Variants in MAGI2 observed in about 807,000 individuals in gnomAD.
The protein encoded by MAGI2 is membrane associated guanylate kinase, WW and PDZ domain containing 2.
MAGI2 carries 35 observed loss-of-function variants against 133.3 expected under a neutral mutation model. The ratio of observed to expected loss-of-function variants is 0.26; its 90% CI spans 0.20 to 0.35. The LOEUF is 0.35. Among genes scored for constraint, MAGI2 ranks in the 10% least tolerant of loss-of-function variants. The pLI is 1.00. For missense variants in MAGI2, 1,636 were observed against 1,863.4 expected, an observed-to-expected ratio of 0.88 and a Z score of 2.25; for synonymous variants, 729 against 710.6, an observed-to-expected ratio of 1.03 and a Z score of -0.41.
intron 1 of MAGI2, among the ~76,000 whole-genome samples, chr7:79,154,419 G>A (rs1156950458): frequency 1.3e-5 from 2 of 152,094 alleles, no homozygotes; most frequent in African/African-American, 2.4e-5. Flanking sequence ...TGTTTTGACT[G>A]TCTACAAAGA....
intron 10 of MAGI2, among the ~76,000 whole-genome samples, chr7:78,211,196 T>C (rs968863521): frequency 6.6e-6 from 1 of 152,010 alleles, no homozygotes; most frequent in Non-Finnish European, 1.5e-5. Flanking sequence ...CAAATCCTTA[T>C]CAAGAGGCTG....
At chr7:78,380,869 G>A (rs907074317) in intron 6 of MAGI2, among the ~76,000 whole-genome samples, 6 of 152,064 alleles carry the variant, frequency 3.9e-5, no homozygotes, top group African/African-American at 1.4e-4. Flanking sequence ...CACACACTGT[G>A]TATCCACAAA....
At chr7:79,421,995 C>T (rs1846990531) in intron 1 of MAGI2, among the ~76,000 whole-genome samples, 1 of 151,940 alleles carries the variant, frequency 6.6e-6, no homozygotes, top group South Asian at 2.1e-4. Flanking sequence ...AAGGCCTGGT[C>T]CATTTGTTTC....
chr7:78,340,202 A>T (rs936662607), intron 9 of MAGI2, among the ~76,000 whole-genome samples: 1 of 152,214 alleles, frequency 6.6e-6, no homozygotes, highest in African/African-American at 2.4e-5. Flanking sequence ...AAACATGACA[A>T]TGGGGATAGA....
At chr7:78,779,753 T>C (rs1207901) in intron 2 of MAGI2, among the ~76,000 whole-genome samples, 50,114 of 152,128 alleles carry the variant, frequency 0.33, 8,441 homozygotes, top group South Asian at 0.47. Context: ...TAGTCCATGA[T>C]ACTGGGAAGT....
At chr7:78,319,269 A>T (rs1037648351) in intron 9 of MAGI2, among the ~76,000 whole-genome samples, 5 of 152,226 alleles carry the variant, frequency 3.3e-5, no homozygotes, top group Non-Finnish European at 7.3e-5. Context: ...GGGATGAAAG[A>T]ATATTTACCA....
intron 1 of MAGI2, among the ~76,000 whole-genome samples, chr7:79,197,597 T>A (rs1185277616): frequency 6.6e-6 from 1 of 152,042 alleles, no homozygotes; most frequent in East Asian, 1.9e-4. Flanking sequence ...CTCTGCAGCC[T>A]GAGTTGGAAT....
At chr7:79,010,678 G>A (rs548899503) in intron 1 of MAGI2, among the ~76,000 whole-genome samples, 57 of 152,026 alleles carry the variant, frequency 3.7e-4, no homozygotes, top group African/African-American at 1.2e-3. Context: ...TTAATGTCTC[G>A]TTGCATGCTT....
intron 2 of MAGI2, among the ~76,000 whole-genome samples, chr7:78,701,188 T>C (rs1818033552): frequency 6.6e-6 from 1 of 151,790 alleles, no homozygotes; most frequent in Non-Finnish European, 1.5e-5. Context: ...GTTAAATCTA[T>C]TTTCACCTAA....
intron 2 of MAGI2, among the ~76,000 whole-genome samples, chr7:78,966,162 CTT>C (rs1803287575): frequency 6.6e-6 from 1 of 152,064 alleles, no homozygotes; most frequent in Admixed American, 6.6e-5. Flanking sequence ...AAATATAAAA[CTT>C]AATTCTTTAA....
chr7:78,061,448 ACACACACAC>A, intron 21 of MAGI2, among the ~76,000 whole-genome samples: 1 of 144,128 alleles, frequency 6.9e-6, no homozygotes, highest in South Asian at 2.3e-4. Context: ...ACACACACAC[ACACACACAC>A]GAGTGGGGAA....
intron 6 of MAGI2, among the ~76,000 whole-genome samples, chr7:78,467,548 A>G (rs1790760052): frequency 6.6e-6 from 1 of 151,886 alleles, no homozygotes; most frequent in Non-Finnish European, 1.5e-5. Flanking sequence ...CAATATACTT[A>G]GAGGGTATTA....
intron 2 of MAGI2, among the ~76,000 whole-genome samples, chr7:78,968,648 G>T (rs1043093426): frequency 1.3e-5 from 2 of 151,938 alleles, no homozygotes; most frequent in Non-Finnish European, 2.9e-5. Context: ...TCTAGAAGTT[G>T]TACTATATCA....
intron 2 of MAGI2, among the ~76,000 whole-genome samples, chr7:78,668,009 A>G (rs1349966447): frequency 1.3e-5 from 2 of 152,142 alleles, no homozygotes; most frequent in Admixed American, 6.5e-5. Flanking sequence ...TCCCACCAAC[A>G]GTGTAAAAGT....
chr7:79,399,190 G>C (rs777387254), intron 1 of MAGI2, among the ~76,000 whole-genome samples: 148 of 149,802 alleles, frequency 9.9e-4, no homozygotes, highest in Non-Finnish European at 7.7e-4. Context: ...TGCCTCCCCG[G>C]TTCAGGCAAT....
intron 2 of MAGI2, among the ~76,000 whole-genome samples, chr7:78,942,492 C>A (rs1159127926): frequency 6.6e-6 from 1 of 151,982 alleles, no homozygotes; most frequent in African/African-American, 2.4e-5. Flanking sequence ...GTCTCTTTGC[C>A]AAAAACTACA....
intron 3 of MAGI2, among the ~76,000 whole-genome samples, chr7:78,524,178 G>T (rs117664796): frequency 0.076 from 11,520 of 152,202 alleles, 562 homozygotes; most frequent in Non-Finnish European, 0.11. Context: ...GAGAGGGAGG[G>T]GGAGCCCTAC....
chr7:78,773,922 A>C (rs1825786416), intron 2 of MAGI2, among the ~76,000 whole-genome samples: 1 of 152,250 alleles, frequency 6.6e-6, no homozygotes, highest in Non-Finnish European at 1.5e-5. Flanking sequence ...AGATGACAGC[A>C]GTGTTTTCCA....
At chr7:78,574,139 G>A (rs1286022117) in intron 3 of MAGI2, among the ~76,000 whole-genome samples, 1 of 152,190 alleles carries the variant, frequency 6.6e-6, no homozygotes, top group Non-Finnish European at 1.5e-5. Flanking sequence ...TATCAACCAT[G>A]TTCCCTTTTT....
Sources: allele counts gnomAD v4.1 joint callset (sites outside exome capture counted in the v4.1 genomes callset), GRCh38; gene constraint gnomAD v4.1.1; transcripts MANE v1.5; gene names NCBI Gene and HGNC (gene_info 2026-07-23, HGNC 2026-07-21).